The following BZW2 variants were observed in gnomAD, a reference collection of about 807,000 sequenced individuals.
The protein encoded by BZW2 is basic leucine zipper and W2 domains 2.
A neutral mutation model predicts 53.2 loss-of-function variants in BZW2; 23 were observed. The observed-to-expected ratio is 0.43, with a 90% CI of 0.31 to 0.61. BZW2 has a LOEUF of 0.61. Among genes scored for constraint, BZW2 ranks in the 20% least tolerant of loss-of-function variants. The probability of loss-of-function intolerance (pLI) is 0.09; values close to 1 mark genes in which losing one functional copy is unlikely to be tolerated. For synonymous variants in BZW2, 227 were observed against 186.4 expected, an observed-to-expected ratio of 1.22 and a Z score of -1.77; for missense variants, 409 against 503.1, an observed-to-expected ratio of 0.81 and a Z score of 1.79.
intron 7 of BZW2, among the ~76,000 whole-genome samples, chr7:16,694,467 C>G (rs377086442): frequency 2.0e-5 from 3 of 152,028 alleles, no homozygotes; most frequent in Admixed American, 2.0e-4. Flanking sequence ...GTCTCCCCTC[C>G]TCTTTTTTAA....
chr7:16,679,984 T>A (rs913243554), intron 3 of BZW2, among the ~76,000 whole-genome samples: 1 of 152,154 alleles, frequency 6.6e-6, no homozygotes, highest in Non-Finnish European at 1.5e-5. Flanking sequence ...GAAAAAGGCA[T>A]CTAATCTATT....
intron 1 of BZW2, among the ~76,000 whole-genome samples, chr7:16,649,239 T>A (rs1261630309): frequency 6.6e-6 from 1 of 152,232 alleles, no homozygotes; most frequent in Non-Finnish European, 1.5e-5. Flanking sequence ...CAAATTTATC[T>A]TTGTTTCTCA....
At chr7:16,655,777 C>T (rs1236688620) in intron 1 of BZW2, among the ~76,000 whole-genome samples, 2 of 152,076 alleles carry the variant, frequency 1.3e-5, no homozygotes, top group Non-Finnish European at 2.9e-5. Context: ...ATATTTGCCT[C>T]CCAAAGTGCT....
At chr7:16,658,642 C>A (rs706025) in intron 1 of BZW2, among the ~76,000 whole-genome samples, 81,453 of 151,640 alleles carry the variant, frequency 0.54, 22,023 homozygotes, top group African/African-American at 0.57. Flanking sequence ...TTTGGGAGGC[C>A]GGGGTGGGCA....
chr7:16,681,931 G>A (rs910176035), intron 4 of BZW2, among the ~76,000 whole-genome samples: 2 of 152,184 alleles, frequency 1.3e-5, no homozygotes, highest in African/African-American at 4.8e-5. Context: ...CGTTTTTCTT[G>A]TATACATGTT....
At chr7:16,695,331 T>G (rs1377359450) in intron 8 of BZW2, among the ~76,000 whole-genome samples, 1 of 152,244 alleles carries the variant, frequency 6.6e-6, no homozygotes, top group African/African-American at 2.4e-5. Flanking sequence ...ATGGTAGTTT[T>G]AAAATTTTGT....
chr7:16,676,805 CT>C lies in BZW2; in HGVS notation c.235+2221del, dbSNP rs1242709176. ...ACTGTAGTAGTCACTTATATGGACC[CT>C]TTTCAGACTGAGTGACCTCTAGGCA... is the stretch of plus-strand genomic sequence containing the variant. On this transcript the variant is annotated intron_variant, in intron 3 of 11. Transcript: ENST00000258761. Among the ~76,000 whole-genome samples, 5 of 152,244 alleles carry C rather than the reference CT, an allele frequency of 3.3e-5. No homozygotes were observed. In the East Asian group the frequency reaches 9.6e-4, roughly 29 times the overall value.
At chr7:16,661,261 T>C (rs1782252386) in intron 1 of BZW2, 1 of 152,138 alleles carries the variant, frequency 6.6e-6, no homozygotes, top group Non-Finnish European at 1.5e-5. Context: ...AGGTAAGTCC[T>C]CTGGTAGATC....
intron 2 of BZW2, among the ~76,000 whole-genome samples, chr7:16,669,273 GCAC>G (rs1427263107): frequency 1.3e-5 from 2 of 152,098 alleles, no homozygotes; most frequent in African/African-American, 2.4e-5. Flanking sequence ...TTACAGGCGT[GCAC>G]CACCACACCC....
At chr7:16,663,856 G>A (rs1782339179) in intron 1 of BZW2, among the ~76,000 whole-genome samples, 1 of 152,098 alleles carries the variant, frequency 6.6e-6, no homozygotes, top group Non-Finnish European at 1.5e-5. Flanking sequence ...AAGAAGTCTT[G>A]TGGAGCAGGC....
intron 1 of BZW2, among the ~76,000 whole-genome samples, chr7:16,648,636 G>C (rs982746548): frequency 1.3e-5 from 2 of 152,134 alleles, no homozygotes; most frequent in Non-Finnish European, 2.9e-5. Context: ...ATAGAGGGCT[G>C]GGTCTGGCCT....
At chr7:16,656,602 G>C (rs1003019901) in intron 1 of BZW2, among the ~76,000 whole-genome samples, 1 of 140,872 alleles carries the variant, frequency 7.1e-6, no homozygotes, top group Non-Finnish European at 1.5e-5. Context: ...CACACAAGTA[G>C]GTTTAGCATA....
chr7:16,664,438 T>C (rs1782358730), intron 1 of BZW2, among the ~76,000 whole-genome samples: 1 of 152,186 alleles, frequency 6.6e-6, no homozygotes. Context: ...GAGATAGCCA[T>C]GTGGACAGCT....
At chr7:16,673,140 G>C (rs1782658493) in intron 2 of BZW2, among the ~76,000 whole-genome samples, 1 of 151,928 alleles carries the variant, frequency 6.6e-6, no homozygotes, top group African/African-American at 2.4e-5. Flanking sequence ...TAGAGACGGG[G>C]TTTCACCACG....
At chr7:16,652,473 C>G (rs925771697) in intron 1 of BZW2, among the ~76,000 whole-genome samples, 3 of 152,126 alleles carry the variant, frequency 2.0e-5, no homozygotes, top group African/African-American at 7.2e-5. Flanking sequence ...AGTACCAGAC[C>G]TGGTATATTT....
chr7:16,661,676 G>C (rs923733173), intron 1 of BZW2, among the ~76,000 whole-genome samples: 2 of 152,068 alleles, frequency 1.3e-5, no homozygotes, highest in African/African-American at 4.8e-5. Context: ...CTTTTACCTT[G>C]TGGAGTATCC....
At chr7:16,646,730 G>T (rs1035275860) in intron 1 of BZW2, among the ~76,000 whole-genome samples, 1 of 152,220 alleles carries the variant, frequency 6.6e-6, no homozygotes, top group African/African-American at 2.4e-5. Context: ...TTTTACGCTG[G>T]TGATCCTCGC....
In BZW2 at chr7:16,697,037, A is replaced by G. The variant is rs770596003; in HGVS notation, c.945A>G (p.Ala315=). The G allele has an allele frequency of 4.8e-5, 78 of 1,614,048 alleles. 1 individual carries two copies. Among genetic ancestry groups the G allele is most frequent in the South Asian group, 3.8e-4 (35 of 91,086 alleles). The change falls in exon 9 of 12, where the codon GCA becomes GCG. Residue 315 remains alanine (A), a synonymous_variant. Transcript: ENST00000258761. ...GGAACAAGAAGGAAGAACTTGTTGC[A>G]GAGCAGGCTCTGAAGCACCTGAAGG... ...VEWNKKEELV[A]EQALKHLKQY...
At chr7:16,665,617 T>C in intron 2 of BZW2, 116 bp downstream of exon 2, 1 of 1,501,014 alleles carries the variant, frequency 6.7e-7, no homozygotes, top group Non-Finnish European at 9.0e-7. Flanking sequence ...TCATTTGAGC[T>C]CTGAGTGTAG....
Sources: allele counts gnomAD v4.1 joint callset (sites outside exome capture counted in the v4.1 genomes callset), GRCh38; gene constraint gnomAD v4.1.1; transcripts MANE v1.5; gene names NCBI Gene and HGNC (gene_info 2026-07-23, HGNC 2026-07-21).